The following TARS1 variants were observed in gnomAD, a reference collection of about 807,000 sequenced individuals.
TARS1 encodes threonine--tRNA ligase 1, cytoplasmic.
TARS1 carries 57 observed loss-of-function variants against 97.7 expected under a neutral mutation model. The observed-to-expected ratio is 0.58, with a 90% confidence interval of 0.47 to 0.73. The LOEUF is 0.73. TARS1 is among the 30% of genes least tolerant of loss of function. The probability of loss-of-function intolerance (pLI) is 0.00; values close to 1 mark genes in which losing one functional copy is unlikely to be tolerated. For missense variants in TARS1, 806 were observed against 888.3 expected, an observed-to-expected ratio of 0.91 and a Z score of 1.18; for synonymous variants, 312 against 293.7, an observed-to-expected ratio of 1.06 and a Z score of -0.64.
rs1414817155 is a variant in TARS1, at chr5:33,445,402, G to A, written c.136G>A (p.Glu46Lys). ...AGGATCTGGAGATGGAGGTCGAGCT[G>A]AGGTAAAAGTTATCATCACAGAGGG... is the stretch of plus-strand genomic sequence containing the variant. ...KEGSGDGGRA[E>K]LNPWPEYIYT... Residue 46 changes from glutamate to lysine, a missense_variant and splice_region_variant, in exon 2 of 19, where the codon GAG becomes AAG. By Grantham distance (56) the Glu-to-Lys change is moderately conservative (BLOSUM62 1). Transcript: ENST00000265112. 3 of 1,612,740 alleles carry A rather than the reference G, an allele frequency of 1.9e-6. No individual in the cohort carries two copies. Among genetic ancestry groups the A allele is most frequent in the Non-Finnish European group, 2.5e-6 (3 of 1,179,250 alleles).
In TARS1 at chr5:33,457,406, A is replaced by G. The variant is rs1032999065; in HGVS notation, c.984+3A>G. On this transcript the variant is annotated splice_donor_region_variant and intron_variant, in intron 9 of 18. Transcript: ENST00000265112. ...GAGATCATAGGAAAATTGGCAGGGT[A>G]TGTTCAAGAACAATGATGTGTCTTG... The G allele has an allele frequency of 2.5e-6, 4 of 1,613,938 alleles. No individual in the cohort carries two copies. Among genetic ancestry groups the G allele is most frequent in the Non-Finnish European group, 3.4e-6 (4 of 1,179,894 alleles).
chr5:33,445,745 G>A (rs1055995428), intron 2 of TARS1, among the ~76,000 whole-genome samples: 2 of 152,184 alleles, frequency 1.3e-5, no homozygotes, highest in Non-Finnish European at 2.9e-5. Context: ...TAAATGAGAT[G>A]TTAGGGAATA....
chr5:33,462,305 A>C, intron 16 of TARS1, 102 bp downstream of exon 16: 1 of 1,095,020 alleles, frequency 9.1e-7, no homozygotes. Flanking sequence ...GAATGATTCC[A>C]ATCGGTTGCT....
At chr5:33,446,493 G>A in intron 2 of TARS1, 1 of 409,600 alleles carries the variant, frequency 2.4e-6, no homozygotes, top group Non-Finnish European at 5.0e-6. Flanking sequence ...ATAATTAGAA[G>A]ACTCTTCTGA....
In TARS1 at chr5:33,456,297, A is replaced by T. The variant is rs151059418; in HGVS notation, c.837+70A>T. The stretch of plus-strand genomic sequence containing the variant: ...TAGATATATGTTTAAACTTTCACTG[A>T]TTTCTCTTTACCATTTTCTGTTGCA... On this transcript the variant is annotated intron_variant, in intron 8 of 18. Coordinates refer to ENST00000265112, the MANE Select transcript of TARS1 (RefSeq NM_152295.5). The T allele has an allele frequency of 7.1e-5, 87 of 1,229,742 alleles. No individual in the cohort carries two copies. In the African/African-American group the frequency reaches 1.0e-3, roughly 15 times the overall value. 76.2% of individuals were successfully genotyped at this position (1,229,742 alleles called of 1,614,324 possible). A position where few individuals can be genotyped will look rare whatever the true frequency, so the allele number is the denominator to read the frequency against.
chr5:33,452,497 C>T lies in TARS1; in HGVS notation c.330-792C>T, dbSNP rs1017888825. 3 of 1,262,578 alleles carry T rather than the reference C, an allele frequency of 2.4e-6. No homozygotes were observed. In the African/African-American group the frequency reaches 4.4e-5, roughly 19 times the overall value. The allele number at this position is 1,262,578 out of a possible 1,614,324, so 78.2% of individuals were successfully genotyped here. ...GACTCTGACCTGTACTGCTTTCCCT[C>T]CTCAGAACTCCTGTAGCTTTTACAC... On this transcript the variant is annotated intron_variant, in intron 3 of 18. Coordinates refer to ENST00000265112, the MANE Select transcript of TARS1 (RefSeq NM_152295.5).
intron 17 of TARS1, among the ~76,000 whole-genome samples, chr5:33,464,033 T>C (rs1266242030): frequency 1.3e-5 from 2 of 152,206 alleles, no homozygotes; most frequent in African/African-American, 4.8e-5. Context: ...TTGGATAGTG[T>C]TTTATGTACA....
intron 1 of TARS1, among the ~76,000 whole-genome samples, chr5:33,442,678 G>T (rs1378334565): frequency 6.6e-6 from 1 of 151,830 alleles, no homozygotes; most frequent in Non-Finnish European, 1.5e-5. Flanking sequence ...CTAATTTTTT[G>T]TATTTTTAGT....
intron 9 of TARS1, 33 bp from the exon 10 acceptor site, chr5:33,458,533 A>G: frequency 1.3e-6 from 2 of 1,579,402 alleles, no homozygotes; most frequent in African/African-American, 1.4e-5. Context: ...TACGTGACGT[A>G]CATAAACATT....
At chr5:33,449,366 T>G (rs557722815) in intron 3 of TARS1, among the ~76,000 whole-genome samples, 19 of 149,742 alleles carry the variant, frequency 1.3e-4, no homozygotes, top group African/African-American at 3.9e-4. Context: ...TATCTTAAAC[T>G]GGGTATTGGG....
At chr5:33,462,778 T>A (rs1374874796) in intron 16 of TARS1, among the ~76,000 whole-genome samples, 1 of 152,212 alleles carries the variant, frequency 6.6e-6, no homozygotes, top group African/African-American at 2.4e-5. Flanking sequence ...ACAGTGCATT[T>A]GAAAGCAGCA....
At chr5:33,455,152 T>C in intron 5 of TARS1, 86 bp downstream of exon 5, 1 of 1,523,098 alleles carries the variant, frequency 6.6e-7, no homozygotes. Flanking sequence ...AAGGGAGGAA[T>C]GATATAGATC....
chr5:33,443,216 G>A (rs1002844746), intron 1 of TARS1, among the ~76,000 whole-genome samples: 2 of 151,846 alleles, frequency 1.3e-5, no homozygotes, highest in African/African-American at 4.8e-5. Context: ...ATTACTTAAT[G>A]ATACAAATGG....
Position 33,455,085 on chromosome 5 carries a change from A to G in TARS1, c.575+19A>G. 1.2e-6 allele frequency: 2 copies of G among 1,612,600 alleles called. No individual in the cohort carries two copies. The highest frequency in any genetic ancestry group is 1.7e-6 in the Non-Finnish European group (2 of 1,179,276). ...AAGAAGGGTAAGCCATCAACTAGATAAAGAAAACTGAAGTCAATGACTATG... is the reference window on the plus strand; with the variant it reads ...AAGAAGGGTAAGCCATCAACTAGATGAAGAAAACTGAAGTCAATGACTATG... On this transcript the variant is annotated intron_variant, in intron 5 of 18. Coordinates refer to ENST00000265112, the MANE Select transcript of TARS1 (RefSeq NM_152295.5).
chr5:33,452,949 G>A (rs1191861721), intron 3 of TARS1, among the ~76,000 whole-genome samples: 2 of 150,676 alleles, frequency 1.3e-5, no homozygotes, highest in East Asian at 1.9e-4. Context: ...AGACCCTGTC[G>A]CTAAAAAATT....
Position 33,449,445 on chromosome 5 carries a change from C to CTTTTTTT in TARS1, c.329+733_329+739dup, listed in dbSNP as rs57691465. Among the ~76,000 whole-genome samples, 134 of 69,156 alleles carry CTTTTTTT rather than the reference C, an allele frequency of 1.9e-3. 6 individuals are homozygous for CTTTTTTT. Among genetic ancestry groups the CTTTTTTT allele is most frequent in the East Asian group, 7.7e-3 (17 of 2,200 alleles). The allele number at this position is 69,156 out of a possible 152,430, so 45.4% of individuals were successfully genotyped here. A position where few individuals can be genotyped will look rare whatever the true frequency, so the allele number is the denominator to read the frequency against. ...AATAAAAATGATTCTTTTTTTCTTT[C>CTTTTTTT]TTTTTTTTTTTTTTTTTTTTTTTTT... On this transcript the variant is annotated intron_variant, in intron 3 of 18. Transcript: ENST00000265112.
intron 11 of TARS1, 166 bp downstream of exon 11, chr5:33,460,027 AC>A: frequency 2.1e-6 from 1 of 475,274 alleles, no homozygotes; most frequent in Non-Finnish European, 3.3e-6. Context: ...TTAGATCCCC[AC>A]TTTTTTTTTT....
At chr5:33,461,845 A>G (rs2111582758) in intron 14 of TARS1, 61 bp from the exon 15 acceptor site, 3 of 1,588,570 alleles carry the variant, frequency 1.9e-6, no homozygotes, top group East Asian at 2.2e-5. Flanking sequence ...CCCTAATCCA[A>G]CTATTGAGCT....
chr5:33,463,209 C>T (rs1477431409), intron 16 of TARS1, among the ~76,000 whole-genome samples: 1 of 152,170 alleles, frequency 6.6e-6, no homozygotes, highest in African/African-American at 2.4e-5. Context: ...GCATTTGACA[C>T]TTGTATTGCT....
Sources: gnomAD v4.1 joint callset for allele counts (sites outside exome capture counted in the v4.1 genomes callset) on GRCh38, gnomAD v4.1.1 for gene constraint, MANE v1.5 for transcripts, NCBI Gene and HGNC (gene_info 2026-07-23, HGNC 2026-07-21) for gene names.